The following CLSTN2 variants were observed in gnomAD, a reference collection of about 807,000 sequenced individuals.
CLSTN2 encodes the protein calsyntenin 2, also known as calsyntenin-2.
In CLSTN2, 48 loss-of-function variants were observed where a neutral mutation model predicts 101.2. The ratio of observed to expected loss-of-function variants is 0.47; its 90% CI spans 0.38 to 0.60. The LOEUF is 0.60. Among genes scored for constraint, CLSTN2 ranks in the 20% least tolerant of loss-of-function variants. The probability of loss-of-function intolerance (pLI) is 0.00; values close to 1 mark genes in which losing one functional copy is unlikely to be tolerated. For missense variants in CLSTN2, 1,160 were observed against 1,238.2 expected, an observed-to-expected ratio of 0.94 and a Z score of 0.95; for synonymous variants, 481 against 463.6, an observed-to-expected ratio of 1.04 and a Z score of -0.48.
intron 2 of CLSTN2, among the ~76,000 whole-genome samples, chr3:140,348,055 G>T (rs551702142): frequency 6.6e-6 from 1 of 152,168 alleles, no homozygotes; most frequent in Non-Finnish European, 1.5e-5. Flanking sequence ...AAGAGTAATG[G>T]CACAGGTACT....
At chr3:140,151,870 G>A (rs6439897) in intron 1 of CLSTN2, among the ~76,000 whole-genome samples, 1 of 152,152 alleles carries the variant, frequency 6.6e-6, no homozygotes, top group Admixed American at 6.5e-5. Context: ...ATTCAGAGAA[G>A]ATACATTCTT....
intron 2 of CLSTN2, among the ~76,000 whole-genome samples, chr3:140,223,662 T>A (rs1323748571): frequency 6.6e-6 from 1 of 152,230 alleles, no homozygotes; most frequent in Non-Finnish European, 1.5e-5. Context: ...GAGCTTCTGA[T>A]ACTCTGTTTC....
At chr3:139,984,043 T>C (rs1935981178) in intron 1 of CLSTN2, among the ~76,000 whole-genome samples, 1 of 152,184 alleles carries the variant, frequency 6.6e-6, no homozygotes, top group African/African-American at 2.4e-5. Context: ...TTGGCATCAG[T>C]CCACAAATTG....
At chr3:140,498,074 C>T (rs1273943895) in intron 8 of CLSTN2, among the ~76,000 whole-genome samples, 1 of 152,216 alleles carries the variant, frequency 6.6e-6, no homozygotes, top group Non-Finnish European at 1.5e-5. Context: ...AATTCACTTG[C>T]TGTTTTCATT....
chr3:140,414,529 G>T (rs2088405181), intron 4 of CLSTN2, among the ~76,000 whole-genome samples: 1 of 151,876 alleles, frequency 6.6e-6, no homozygotes, highest in African/African-American at 2.4e-5. Flanking sequence ...GTATGCAAAG[G>T]CATACAGAGT....
chr3:140,421,283 G>A lies in CLSTN2; in HGVS notation c.787+9G>A. The A allele has an allele frequency of 3.1e-6, 5 of 1,614,004 alleles. No homozygotes were observed. The highest frequency in any genetic ancestry group is 4.2e-6 in the Non-Finnish European group (5 of 1,179,976). On this transcript the variant is annotated intron_variant, in intron 5 of 16. Transcript: ENST00000458420. ...CAAGCCTGGCTGGCAAGGTGGGCCT[G>A]TTTTATCAGTCTTGTGTGAAGGCAG...
At chr3:140,494,897 T>C (rs565939896) in intron 8 of CLSTN2, among the ~76,000 whole-genome samples, 26 of 152,348 alleles carry the variant, frequency 1.7e-4, no homozygotes, top group African/African-American at 5.5e-4. Flanking sequence ...ATGTCTTTGC[T>C]ATTGTGAATA....
chr3:140,489,526 G>C (rs1184290492), intron 8 of CLSTN2, among the ~76,000 whole-genome samples: 1 of 152,044 alleles, frequency 6.6e-6, no homozygotes, highest in Non-Finnish European at 1.5e-5. Context: ...GCCACATACA[G>C]AAGACTGTCT....
intron 2 of CLSTN2, among the ~76,000 whole-genome samples, chr3:140,178,826 A>C (rs549534883): frequency 5.6e-4 from 86 of 152,326 alleles, no homozygotes; most frequent in African/African-American, 2.0e-3. Flanking sequence ...TGAAGCTTTT[A>C]GTCCTCGCTT....
intron 6 of CLSTN2, among the ~76,000 whole-genome samples, chr3:140,450,979 G>A (rs112389588): frequency 6.6e-6 from 1 of 152,042 alleles, no homozygotes; most frequent in Admixed American, 6.6e-5. Flanking sequence ...TGGTTATAAG[G>A]GATCTGCACT....
At chr3:140,154,833 A>T (rs1023258202) in intron 1 of CLSTN2, among the ~76,000 whole-genome samples, 17 of 151,806 alleles carry the variant, frequency 1.1e-4, no homozygotes, top group Non-Finnish European at 2.5e-4. Flanking sequence ...TTTAGTAGAG[A>T]TGGGATTTCA....
intron 2 of CLSTN2, among the ~76,000 whole-genome samples, chr3:140,288,662 T>A (rs1243413059): frequency 6.6e-6 from 1 of 152,214 alleles, no homozygotes; most frequent in African/African-American, 2.4e-5. Context: ...CCAGTTAGCA[T>A]CTCCTGCTTC....
chr3:140,564,197 C>T (rs759479182), intron 16 of CLSTN2, 52 bp downstream of exon 16: 13 of 1,549,256 alleles, frequency 8.4e-6, no homozygotes, highest in South Asian at 1.2e-5. Context: ...CTCCCTCTAC[C>T]CAGCTCAACC....
In CLSTN2 at chr3:140,543,177, G is replaced by C. The variant is rs535331747; in HGVS notation, c.1508-3338G>C. 2.6e-5 allele frequency among the ~76,000 whole-genome samples: 4 copies of C among 152,294 alleles called. No individual in the cohort carries two copies. The East Asian group carries it at 5.8e-4, about 22-fold the overall frequency. On this transcript the variant is annotated intron_variant, in intron 9 of 16. Coordinates refer to ENST00000458420, the MANE Select transcript of CLSTN2 (RefSeq NM_022131.3). Reference sequence around the variant, plus strand: ...TTGTTGGATTTGCTGCTCCACGGAGGAGGAGGCTGTGAAGAGATGACCAAC... The same window carrying C: ...TTGTTGGATTTGCTGCTCCACGGAGCAGGAGGCTGTGAAGAGATGACCAAC...
chr3:140,499,576 G>A (rs1374577120), intron 8 of CLSTN2, among the ~76,000 whole-genome samples: 2 of 152,160 alleles, frequency 1.3e-5, no homozygotes, highest in African/African-American at 2.4e-5. Context: ...GGAGCATTTG[G>A]AGATAGTGAG....
intron 9 of CLSTN2, among the ~76,000 whole-genome samples, chr3:140,544,034 A>C (rs1049792370): frequency 6.6e-6 from 1 of 152,208 alleles, no homozygotes; most frequent in Non-Finnish European, 1.5e-5. Context: ...AGAAGGAAGG[A>C]GTGAGATGGA....
intron 1 of CLSTN2, among the ~76,000 whole-genome samples, chr3:140,004,638 G>A (rs907436279): frequency 8.5e-5 from 13 of 152,190 alleles, no homozygotes; most frequent in Admixed American, 5.9e-4. Flanking sequence ...TCATCAGGGA[G>A]CCAAGACTTG....
At chr3:140,475,453 G>T (rs187418631) in intron 8 of CLSTN2, among the ~76,000 whole-genome samples, 3 of 152,270 alleles carry the variant, frequency 2.0e-5, no homozygotes, top group Admixed American at 2.0e-4. Flanking sequence ...ATTTCTCAAA[G>T]TTTTCTTGGG....
chr3:140,407,079 G>A (rs1315790578), intron 4 of CLSTN2, among the ~76,000 whole-genome samples: 1 of 152,214 alleles, frequency 6.6e-6, no homozygotes. Context: ...GCCCCTGACA[G>A]CGAGGTGTAC....
Sources: gnomAD v4.1 joint callset for allele counts (sites outside exome capture counted in the v4.1 genomes callset) on GRCh38, gnomAD v4.1.1 for gene constraint, MANE v1.5 for transcripts, NCBI Gene and HGNC (gene_info 2026-07-23, HGNC 2026-07-21) for gene names.